FHIT: variants seen among roughly 807,000 people sequenced by gnomAD.
The protein encoded by FHIT is bis(5'-adenosyl)-triphosphatase.
FHIT carries 19 observed loss-of-function variants against 17.9 expected under a neutral mutation model. The ratio of observed to expected loss-of-function variants is 1.06; its 90% confidence interval spans 0.74 to 1.56. FHIT has a LOEUF of 1.56. Ranked by LOEUF, FHIT falls within the 40% of genes most tolerant of loss-of-function variation. The pLI, the probability that FHIT is intolerant of heterozygous loss-of-function variation, is 0.00. For missense variants in FHIT, 248 were observed against 189.2 expected, an observed-to-expected ratio of 1.31 and a Z score of -1.82; for synonymous variants, 81 against 69.7, an observed-to-expected ratio of 1.16 and a Z score of -0.81.
chr3:60,051,882 T>C (rs1575982107), intron 5 of FHIT, among the ~76,000 whole-genome samples: 1 of 152,082 alleles, frequency 6.6e-6, no homozygotes, highest in Non-Finnish European at 1.5e-5. Context: ...TCTGGGAAGG[T>C]AGGAGTACTG....
At chr3:60,486,865 A>G (rs2033864998) in intron 5 of FHIT, among the ~76,000 whole-genome samples, 1 of 151,714 alleles carries the variant, frequency 6.6e-6, no homozygotes, top group Non-Finnish European at 1.5e-5. Context: ...TGCTTCAGTT[A>G]AAACCACTGC....
intron 4 of FHIT, among the ~76,000 whole-genome samples, chr3:60,712,110 G>A (rs1295142574): frequency 6.6e-6 from 1 of 152,122 alleles, no homozygotes; most frequent in East Asian, 1.9e-4. Context: ...GAGACTGGGG[G>A]CCAATATTCA....
chr3:60,002,606 T>A (rs964705383), intron 7 of FHIT, among the ~76,000 whole-genome samples: 2 of 152,210 alleles, frequency 1.3e-5, no homozygotes, highest in African/African-American at 4.8e-5. Flanking sequence ...CACTCAAATG[T>A]CCTCAGGAAG....
chr3:60,810,968 AG>A (rs1701554377), intron 4 of FHIT, among the ~76,000 whole-genome samples: 1 of 152,208 alleles, frequency 6.6e-6, no homozygotes, highest in African/African-American at 2.4e-5. Context: ...ACAGAGAGAT[AG>A]GGGTTCGAAT....
intron 5 of FHIT, among the ~76,000 whole-genome samples, chr3:60,230,899 C>T (rs915497167): frequency 3.3e-5 from 5 of 152,096 alleles, no homozygotes; most frequent in Non-Finnish European, 4.4e-5. Flanking sequence ...TTAGTAGATA[C>T]GAAGTTTCGC....
chr3:60,613,815 A>C (rs2038859025), intron 4 of FHIT, among the ~76,000 whole-genome samples: 1 of 152,050 alleles, frequency 6.6e-6, no homozygotes, highest in Non-Finnish European at 1.5e-5. Flanking sequence ...CATATCACAC[A>C]GGTGTCTTGG....
At chr3:60,544,601 T>TTC (rs2036300112) in intron 4 of FHIT, among the ~76,000 whole-genome samples, 1 of 147,822 alleles carries the variant, frequency 6.8e-6, no homozygotes. Flanking sequence ...AACCTATTTT[T>TTC]TTTTTTTTTT....
intron 5 of FHIT, among the ~76,000 whole-genome samples, chr3:60,451,007 A>C (rs2031702784): frequency 6.6e-6 from 1 of 152,136 alleles, no homozygotes; most frequent in Admixed American, 6.6e-5. Flanking sequence ...AGGTATTTTC[A>C]ATTTGTATAA....
rs1298729226 is a variant in FHIT, at chr3:60,957,400, G to C, written c.-111+84647C>G. ...TTACAGGCACGTGCCACCACACCTGGCTAATTTATTGTAGTTTTAGTAGAG... is the reference window on the plus strand; with the variant it reads ...TTACAGGCACGTGCCACCACACCTGCCTAATTTATTGTAGTTTTAGTAGAG... On this transcript the variant is annotated intron_variant, in intron 3 of 9. Coordinates refer to ENST00000492590, the MANE Select transcript of FHIT (RefSeq NM_002012.4). Among the ~76,000 whole-genome samples the C allele has an allele frequency of 2.0e-5, 3 of 152,080 alleles. No individual in the cohort carries two copies. The Middle Eastern group carries it at 0.01, about 517-fold the overall frequency.
At position 60,001,063 on chromosome 3, in the gene FHIT, C is replaced by T. The variant is rs771655018; in HGVS notation, c.279+10308G>A. Reference sequence around the variant, plus strand: ...GACCACCCCATCTAAAGTAGCCATACCACCCCATTCCCCTTCCACCATGTC... The same window carrying T: ...GACCACCCCATCTAAAGTAGCCATATCACCCCATTCCCCTTCCACCATGTC... On this transcript the variant is annotated intron_variant, in intron 7 of 9. Transcript: ENST00000492590. 2.6e-5 allele frequency among the ~76,000 whole-genome samples: 4 copies of T among 152,190 alleles called. No homozygotes were observed. The East Asian group carries it at 7.7e-4, about 29-fold the overall frequency.
In FHIT at chr3:61,002,904, G is replaced by T. The variant is rs557510369; in HGVS notation, c.-111+39143C>A. ...GTTGCTTGCCTGGAATCCCTTCAAT[G>T]GCTTAGCAAACTCTATGGCAGTTCC... On this transcript the variant is annotated intron_variant, in intron 3 of 9. Transcript: ENST00000492590. Among the ~76,000 whole-genome samples the T allele has an allele frequency of 7.2e-5, 11 of 152,078 alleles. No individual in the cohort carries two copies. In the South Asian group the frequency reaches 2.1e-3, roughly 29 times the overall value.
intron 8 of FHIT, among the ~76,000 whole-genome samples, chr3:59,896,647 T>C (rs1184594767): frequency 6.6e-6 from 1 of 152,218 alleles, no homozygotes; most frequent in South Asian, 2.1e-4. Flanking sequence ...ATAATTTTAC[T>C]AATTCTTAAT....
chr3:60,633,782 C>T (rs941003645), intron 4 of FHIT, among the ~76,000 whole-genome samples: 3 of 152,132 alleles, frequency 2.0e-5, no homozygotes, highest in African/African-American at 4.8e-5. Context: ...AGCATGAGCC[C>T]GTACCCAAGC....
intron 4 of FHIT, among the ~76,000 whole-genome samples, chr3:60,781,894 A>G (rs1206250568): frequency 2.0e-5 from 3 of 152,186 alleles, no homozygotes; most frequent in Non-Finnish European, 2.9e-5. Context: ...AAGTGATACT[A>G]TGATATATGT....
intron 5 of FHIT, among the ~76,000 whole-genome samples, chr3:60,123,300 A>G (rs1705342637): frequency 6.6e-6 from 1 of 152,208 alleles, no homozygotes; most frequent in African/African-American, 2.4e-5. Flanking sequence ...AATATAAAGT[A>G]TGATTCAGTG....
chr3:60,927,458 T>C (rs575398083), intron 3 of FHIT, among the ~76,000 whole-genome samples: 11 of 152,206 alleles, frequency 7.2e-5, no homozygotes, highest in African/African-American at 2.6e-4. Context: ...ATCTGGGATG[T>C]GAGGAGCCCC....
At chr3:60,111,009 G>C (rs910486935) in intron 5 of FHIT, among the ~76,000 whole-genome samples, 7 of 151,890 alleles carry the variant, frequency 4.6e-5, no homozygotes, top group Non-Finnish European at 1.0e-4. Flanking sequence ...AAATGACGTG[G>C]GTCAGAAGTA....
chr3:60,872,499 A>G (rs782654576), intron 3 of FHIT, among the ~76,000 whole-genome samples: 15 of 152,064 alleles, frequency 9.9e-5, no homozygotes, highest in Non-Finnish European at 1.8e-4. Context: ...TCTTCTACCC[A>G]GAAAAATTCT....
intron 5 of FHIT, among the ~76,000 whole-genome samples, chr3:60,033,671 A>T (rs186387475): frequency 2.0e-5 from 3 of 152,244 alleles, no homozygotes; most frequent in Non-Finnish European, 4.4e-5. Flanking sequence ...GGATAAATGA[A>T]GCAAGTGTGG....
Sources: allele counts gnomAD v4.1 joint callset (sites outside exome capture counted in the v4.1 genomes callset), GRCh38; gene constraint gnomAD v4.1.1; transcripts MANE v1.5; gene names NCBI Gene and HGNC (gene_info 2026-07-23, HGNC 2026-07-21).